Variants in PAPSS1 observed in about 807,000 individuals in gnomAD.
The protein encoded by PAPSS1 is bifunctional 3'-phosphoadenosine 5'-phosphosulfate synthase 1.
Under a neutral mutation model 72.0 loss-of-function variants are expected in PAPSS1, and 50 were observed. The observed-to-expected ratio is 0.69, with a 90% confidence interval of 0.55 to 0.88. The LOEUF (loss-of-function observed/expected upper bound fraction) is 0.88, where lower values mean the gene tolerates loss of function less well. Among genes scored for constraint, PAPSS1 ranks in the 40% least tolerant of loss-of-function variants. The probability of loss-of-function intolerance (pLI) is 0.00; values close to 1 mark genes in which losing one functional copy is unlikely to be tolerated. For synonymous variants in PAPSS1, 261 were observed against 263.6 expected (o/e 0.99, Z 0.09); for missense variants, 657 against 782.2 (o/e 0.84, Z 1.91).
At chr4:107,659,846 G>GC in intron 6 of PAPSS1, 113 bp downstream of exon 6, 1 of 607,798 alleles carries the variant, frequency 1.6e-6, no homozygotes, top group Non-Finnish European at 2.9e-6. Context: ...CAACATCTTT[G>GC]CCCCCCCAGC....
chr4:107,646,312 C>T (rs28537225), intron 9 of PAPSS1, among the ~76,000 whole-genome samples: 36,654 of 84,228 alleles, frequency 0.44, 5,086 homozygotes, highest in Middle Eastern at 0.51. Flanking sequence ...TATATATATA[C>T]ACACACACAC....
chr4:107,705,230 G>T (rs1391315477), intron 1 of PAPSS1, among the ~76,000 whole-genome samples: 1 of 152,098 alleles, frequency 6.6e-6, no homozygotes, highest in South Asian at 2.1e-4. Flanking sequence ...AGAAAAAATC[G>T]TGATATGGTT....
intron 10 of PAPSS1, among the ~76,000 whole-genome samples, chr4:107,634,928 G>A (rs146528501): frequency 0.021 from 3,147 of 150,876 alleles, 111 homozygotes; most frequent in African/African-American, 0.072. Flanking sequence ...CTCCCGAGTA[G>A]CTGGGACTAC....
rs761677656 is a variant in PAPSS1, at chr4:107,720,228, G to A, written c.-49C>T. 4 of 1,562,454 alleles carry A rather than the reference G, an allele frequency of 2.6e-6. No homozygotes were observed. The highest frequency in any genetic ancestry group is 3.5e-6 in the Non-Finnish European group (4 of 1,150,566). On this transcript the variant is annotated 5_prime_UTR_variant, in exon 1 of 12. Transcript: ENST00000265174. The stretch of plus-strand genomic sequence containing the variant: ...CGGGGTTCTCTGCGCCGGGAGGGTA[G>A]CAAGAGGAGGGCAGGCCAGCGAGCG...
chr4:107,654,004 C>G (rs1207644625), intron 8 of PAPSS1, among the ~76,000 whole-genome samples: 1 of 152,154 alleles, frequency 6.6e-6, no homozygotes, highest in Non-Finnish European at 1.5e-5. Context: ...TCATCGAGTT[C>G]GATACAAATT....
chr4:107,641,424 T>C (rs78315720), intron 10 of PAPSS1, among the ~76,000 whole-genome samples: 5,492 of 152,286 alleles, frequency 0.036, 344 homozygotes, highest in African/African-American at 0.13. Context: ...CCCAGTTCTA[T>C]ACTGAGGGCT....
At position 107,716,856 on chromosome 4, in the gene PAPSS1, T is replaced by C. The variant is rs187944115; in HGVS notation, c.60+3264A>G. ...GACTACATTTTCCCATCTCTTTGCC[T>C]ATTGTCTCCCACGAGTACACTTCCT... On this transcript the variant is annotated intron_variant, in intron 1 of 11. Transcript: ENST00000265174. Among the ~76,000 whole-genome samples the C allele has an allele frequency of 6.6e-5, 10 of 152,348 alleles. No individual in the cohort carries two copies. In the East Asian group the frequency reaches 1.7e-3, roughly 26 times the overall value.
intron 5 of PAPSS1, among the ~76,000 whole-genome samples, chr4:107,668,597 G>A (rs968375527): frequency 6.6e-6 from 1 of 152,050 alleles, no homozygotes; most frequent in African/African-American, 2.4e-5. Flanking sequence ...AATGTGAAAA[G>A]AGAGACTGGC....
intron 3 of PAPSS1, among the ~76,000 whole-genome samples, chr4:107,689,261 GC>G (rs1301034901): frequency 6.6e-6 from 1 of 152,026 alleles, no homozygotes. Flanking sequence ...CCTATACCTG[GC>G]CCCACCATTC....
At chr4:107,705,400 T>C (rs1000213560) in intron 1 of PAPSS1, among the ~76,000 whole-genome samples, 5 of 152,184 alleles carry the variant, frequency 3.3e-5, no homozygotes, top group Non-Finnish European at 7.3e-5. Flanking sequence ...AGTGTGGCAC[T>C]TCCCCCCTTG....
At chr4:107,648,551 A>C (rs1726752508) in intron 9 of PAPSS1, among the ~76,000 whole-genome samples, 1 of 152,208 alleles carries the variant, frequency 6.6e-6, no homozygotes, top group East Asian at 1.9e-4. Flanking sequence ...CTGAACATAG[A>C]ATTACAACAT....
chr4:107,706,905 C>T (rs544659234), intron 1 of PAPSS1, among the ~76,000 whole-genome samples: 32 of 152,224 alleles, frequency 2.1e-4, no homozygotes, highest in African/African-American at 5.5e-4. Flanking sequence ...GGTGCTGGAG[C>T]GGATGTGGAA....
intron 10 of PAPSS1, among the ~76,000 whole-genome samples, chr4:107,643,261 C>T (rs1366423013): frequency 6.6e-6 from 1 of 152,198 alleles, no homozygotes; most frequent in East Asian, 1.9e-4. Flanking sequence ...AAGAAGGGAG[C>T]GGGCTCTCCA....
intron 3 of PAPSS1, among the ~76,000 whole-genome samples, chr4:107,693,539 C>T (rs1722995885): frequency 6.6e-6 from 1 of 152,180 alleles, no homozygotes; most frequent in Non-Finnish European, 1.5e-5. Flanking sequence ...CTGTGTTATA[C>T]TTCACGGCTT....
At chr4:107,677,233 T>C (rs1311001570) in intron 5 of PAPSS1, among the ~76,000 whole-genome samples, 1 of 152,064 alleles carries the variant, frequency 6.6e-6, no homozygotes, top group Non-Finnish European at 1.5e-5. Flanking sequence ...GAAACTACCA[T>C]CAGAGTGAAC....
chr4:107,654,440 C>T (rs1391572410), intron 8 of PAPSS1, among the ~76,000 whole-genome samples: 1 of 152,170 alleles, frequency 6.6e-6, no homozygotes, highest in Non-Finnish European at 1.5e-5. Context: ...GTGTCCCTGG[C>T]CCTGCATTCC....
intron 11 of PAPSS1, among the ~76,000 whole-genome samples, chr4:107,617,861 C>A (rs17495025): frequency 6.6e-6 from 1 of 152,030 alleles, no homozygotes; most frequent in East Asian, 1.9e-4. Context: ...CCATGATATA[C>A]GGGTCCATGC....
chr4:107,614,471 T>C (rs1232695640), intron 11 of PAPSS1, 84 bp from the exon 12 acceptor site: 9 of 1,007,720 alleles, frequency 8.9e-6, no homozygotes, highest in African/African-American at 1.7e-5. Flanking sequence ...CTGTTCATAT[T>C]AGACAAACTT....
intron 10 of PAPSS1, among the ~76,000 whole-genome samples, chr4:107,643,285 C>T (rs1342868869): frequency 1.3e-5 from 2 of 152,208 alleles, no homozygotes; most frequent in Admixed American, 6.5e-5. Flanking sequence ...GCTGTCGCCC[C>T]GCTCAGAAAC....
Sources: allele counts gnomAD v4.1 joint callset (sites outside exome capture counted in the v4.1 genomes callset), GRCh38; gene constraint gnomAD v4.1.1; transcripts MANE v1.5; gene names NCBI Gene and HGNC (gene_info 2026-07-23, HGNC 2026-07-21).